The following TMTC1 variants were observed in gnomAD, a reference collection of about 807,000 sequenced individuals.
The protein encoded by TMTC1 is protein O-mannosyl-transferase TMTC1.
Under a neutral mutation model 104.8 loss-of-function variants are expected in TMTC1, and 73 were observed. That is an observed-to-expected ratio of 0.70 (90% CI 0.58 to 0.85). The LOEUF (loss-of-function observed/expected upper bound fraction) is 0.85, where lower values mean the gene tolerates loss of function less well. Among genes scored for constraint, TMTC1 ranks in the 40% least tolerant of loss-of-function variants. TMTC1 has a pLI of 0.00. For missense variants in TMTC1, 1,035 were observed against 1,096.1 expected, an observed-to-expected ratio of 0.94 and a Z score of 0.79; for synonymous variants, 434 against 428.7, an observed-to-expected ratio of 1.01 and a Z score of -0.15.
At chr12:29,690,037 C>T (rs1285280620) in intron 5 of TMTC1, among the ~76,000 whole-genome samples, 1 of 152,218 alleles carries the variant, frequency 6.6e-6, no homozygotes, top group Non-Finnish European at 1.5e-5. Flanking sequence ...TGTTTGGCAT[C>T]CCAATCAGAT....
chr12:29,611,349 A>G (rs1161966597), intron 6 of TMTC1, among the ~76,000 whole-genome samples: 1 of 152,186 alleles, frequency 6.6e-6, no homozygotes, highest in Non-Finnish European at 1.5e-5. Context: ...GCTTTACTCT[A>G]ATTGAGAATA....
At chr12:29,711,459 T>C (rs1288563774) in intron 5 of TMTC1, among the ~76,000 whole-genome samples, 3 of 152,178 alleles carry the variant, frequency 2.0e-5, no homozygotes, top group African/African-American at 7.2e-5. Context: ...CTGTGTACAT[T>C]ATCCTCCATG....
At chr12:29,629,496 C>T (rs1465157202) in intron 6 of TMTC1, among the ~76,000 whole-genome samples, 1 of 152,132 alleles carries the variant, frequency 6.6e-6, no homozygotes, top group African/African-American at 2.4e-5. Flanking sequence ...GTAGTCAGGA[C>T]CTCCTGAGGC....
At chr12:29,684,919 C>T (rs969721258) in intron 5 of TMTC1, among the ~76,000 whole-genome samples, 1 of 152,116 alleles carries the variant, frequency 6.6e-6, no homozygotes, top group Non-Finnish European at 1.5e-5. Context: ...AGTTTTCTTG[C>T]TGTTCAGACG....
chr12:29,541,669 T>C (rs1944801427), intron 10 of TMTC1, among the ~76,000 whole-genome samples: 1 of 148,450 alleles, frequency 6.7e-6, no homozygotes, highest in African/African-American at 2.5e-5. Context: ...TTTTTTTTTT[T>C]TTTTTTTGAG....
chr12:29,737,104 A>G (rs1481347054), intron 5 of TMTC1, among the ~76,000 whole-genome samples: 1 of 152,256 alleles, frequency 6.6e-6, no homozygotes, highest in Non-Finnish European at 1.5e-5. Context: ...ATTTCACTTT[A>G]AGGTGAAGAA....
rs73271755 is a variant in TMTC1, at chr12:29,680,649, G to A, written c.939-47313C>T. 1.0e-2 allele frequency among the ~76,000 whole-genome samples: 1,517 copies of A among 152,260 alleles called. 31 individuals are homozygous for A. Among genetic ancestry groups the A allele is most frequent in the African/African-American group, 0.035 (1,441 of 41,548 alleles). ...TATAAATGTCCCATAAATACCTGAT[G>A]AGAGTGGTGTAATTTGGGCTTCCCT... On this transcript the variant is annotated intron_variant, in intron 5 of 17. Coordinates refer to ENST00000539277, the MANE Select transcript of TMTC1 (RefSeq NM_001193451.2).
intron 11 of TMTC1, among the ~76,000 whole-genome samples, chr12:29,527,385 G>A (rs1944379049): frequency 6.6e-6 from 1 of 152,180 alleles, no homozygotes; most frequent in African/African-American, 2.4e-5. Flanking sequence ...CCACTGAGTG[G>A]AATTCAGACA....
intron 6 of TMTC1, among the ~76,000 whole-genome samples, chr12:29,613,659 T>A (rs1414432121): frequency 1.3e-5 from 2 of 152,132 alleles, no homozygotes; most frequent in African/African-American, 4.8e-5. Flanking sequence ...CAAGAATGAA[T>A]CTAGCTTTGA....
At chr12:29,534,000 G>A (rs371382840) in intron 11 of TMTC1, 1 of 152,202 alleles carries the variant, frequency 6.6e-6, no homozygotes, top group African/African-American at 2.4e-5. Flanking sequence ...GGTGGCAATG[G>A]AGGACAAGTC....
At chr12:29,521,569 T>A (rs1487624881) in intron 11 of TMTC1, among the ~76,000 whole-genome samples, 1 of 147,118 alleles carries the variant, frequency 6.8e-6, no homozygotes, top group Non-Finnish European at 1.5e-5. Context: ...TTTCTTTCTT[T>A]TTTTTTTTTT....
At chr12:29,596,404 C>T (rs576258230) in intron 7 of TMTC1, among the ~76,000 whole-genome samples, 1 of 152,350 alleles carries the variant, frequency 6.6e-6, no homozygotes, top group East Asian at 1.9e-4. Context: ...CTTCAGATCA[C>T]ATGGTGATCC....
chr12:29,623,728 G>A (rs1238744522), intron 6 of TMTC1, among the ~76,000 whole-genome samples: 3 of 152,130 alleles, frequency 2.0e-5, no homozygotes, highest in African/African-American at 7.2e-5. Flanking sequence ...CAGGAGAATC[G>A]CTTGAACCCG....
intron 5 of TMTC1, among the ~76,000 whole-genome samples, chr12:29,731,316 C>T (rs1000882179): frequency 9.2e-5 from 14 of 152,102 alleles, no homozygotes; most frequent in Non-Finnish European, 2.9e-5. Flanking sequence ...GCCACCATGC[C>T]CGGCTAATTT....
intron 5 of TMTC1, among the ~76,000 whole-genome samples, chr12:29,657,539 G>A (rs920409418): frequency 6.6e-6 from 1 of 151,752 alleles, no homozygotes; most frequent in South Asian, 2.1e-4. Context: ...ACCAGAAGTT[G>A]GATATCACAT....
At chr12:29,747,841 A>G (rs765614643) in intron 5 of TMTC1, among the ~76,000 whole-genome samples, 1 of 152,144 alleles carries the variant, frequency 6.6e-6, no homozygotes, top group Non-Finnish European at 1.5e-5. Flanking sequence ...ACCCTTTGAG[A>G]GATGAGAAAA....
At chr12:29,708,432 G>A (rs767032235) in intron 5 of TMTC1, among the ~76,000 whole-genome samples, 7 of 152,070 alleles carry the variant, frequency 4.6e-5, no homozygotes, top group Admixed American at 3.3e-4. Context: ...ATAATTTGTC[G>A]AAGTCACTTC....
At chr12:29,600,015 T>A (rs1213727541) in intron 7 of TMTC1, among the ~76,000 whole-genome samples, 3 of 146,224 alleles carry the variant, frequency 2.1e-5, no homozygotes, top group Admixed American at 6.8e-5. Flanking sequence ...TATATTTTTT[T>A]TTTTTTTTCC....
At chr12:29,753,527 T>G (rs1051320507) in intron 4 of TMTC1, among the ~76,000 whole-genome samples, 1 of 152,234 alleles carries the variant, frequency 6.6e-6, no homozygotes, top group African/African-American at 2.4e-5. Context: ...GTTTTCTCCT[T>G]TGTAAAATGA....
Sources: gnomAD v4.1 joint callset for allele counts (sites outside exome capture counted in the v4.1 genomes callset) on GRCh38, gnomAD v4.1.1 for gene constraint, MANE v1.5 for transcripts, NCBI Gene and HGNC (gene_info 2026-07-23, HGNC 2026-07-21) for gene names.